The following PLEKHA6 variants were observed in gnomAD, a reference collection of about 807,000 sequenced individuals.
The protein encoded by PLEKHA6 is pleckstrin homology domain containing A6, also known as pleckstrin homology domain-containing family A member 6.
A neutral mutation model predicts 116.7 loss-of-function variants in PLEKHA6; 60 were observed. That is an observed-to-expected ratio of 0.51 (90% CI 0.42 to 0.64). The LOEUF is 0.64. Ranked by LOEUF, PLEKHA6 falls within the 30% of genes least tolerant of loss-of-function variation. The pLI is 0.00. For synonymous variants in PLEKHA6, 489 were observed against 556.1 expected (o/e 0.88, Z 1.70); for missense variants, 1,338 against 1,422.7 (o/e 0.94, Z 0.96).
At chr1:204,246,026 T>C (rs1663615862) in intron 13 of PLEKHA6, among the ~76,000 whole-genome samples, 1 of 152,162 alleles carries the variant, frequency 6.6e-6, no homozygotes, top group Non-Finnish European at 1.5e-5. Context: ...GGTTTTCGAG[T>C]GAATGCCCAT....
chr1:204,335,201 A>G (rs889213878), intron 1 of PLEKHA6, among the ~76,000 whole-genome samples: 1 of 152,030 alleles, frequency 6.6e-6, no homozygotes, highest in African/African-American at 2.4e-5. Context: ...ACCTGCAGAT[A>G]ACAAACCCCT....
chr1:204,347,306 T>A, intron 1 of PLEKHA6: 2 of 821,994 alleles, frequency 2.4e-6, no homozygotes, highest in Non-Finnish European at 4.1e-6. Flanking sequence ...AGGCTCCCAT[T>A]TGCTTTTGAA....
chr1:204,285,199 T>G (rs555595745), intron 1 of PLEKHA6, among the ~76,000 whole-genome samples: 2 of 152,318 alleles, frequency 1.3e-5, no homozygotes, highest in African/African-American at 4.8e-5. Context: ...TAAGCCACCT[T>G]CCAGTTCTAA....
chr1:204,276,541 C>A (rs1022208405), intron 1 of PLEKHA6, among the ~76,000 whole-genome samples: 2 of 151,948 alleles, frequency 1.3e-5, no homozygotes, highest in Admixed American at 6.5e-5. Flanking sequence ...CTCAGTGGTG[C>A]AGGGCACCCG....
intron 1 of PLEKHA6, chr1:204,346,905 T>G (rs1278790319): frequency 1.1e-5 from 14 of 1,267,514 alleles, no homozygotes; most frequent in Non-Finnish European, 1.6e-5. Context: ...TCTCTTTGGC[T>G]TCTTTCTTTT....
chr1:204,326,839 C>A, intron 1 of PLEKHA6: 1 of 255,510 alleles, frequency 3.9e-6, no homozygotes, highest in Non-Finnish European at 6.1e-6. Flanking sequence ...CTTGACCTCA[C>A]TCAGCATTCA....
chr1:204,288,301 T>C (rs764122605), intron 1 of PLEKHA6, among the ~76,000 whole-genome samples: 6 of 152,204 alleles, frequency 3.9e-5, no homozygotes, highest in Non-Finnish European at 8.8e-5. Flanking sequence ...TGGACAGCCC[T>C]GTCCCTTCTA....
intron 1 of PLEKHA6, chr1:204,317,372 A>G (rs1295744824): frequency 2.3e-5 from 4 of 174,122 alleles, no homozygotes; most frequent in Non-Finnish European, 4.5e-5. Context: ...CTCTTCGGAG[A>G]GTTTATCAGC....
intron 1 of PLEKHA6, 87 bp downstream of exon 1, chr1:204,359,607 C>T (rs947871124): frequency 6.0e-5 from 59 of 985,326 alleles, no homozygotes; most frequent in Non-Finnish European, 6.6e-5. Flanking sequence ...CCCAGGCTCA[C>T]GCGGCAGACA....
chr1:204,308,368 T>C (rs1365706722), intron 1 of PLEKHA6, among the ~76,000 whole-genome samples: 1 of 152,198 alleles, frequency 6.6e-6, no homozygotes, highest in Non-Finnish European at 1.5e-5. Flanking sequence ...TATGATCCTA[T>C]GATCATGCCA....
At chr1:204,298,658 G>T (rs1017977904) in intron 1 of PLEKHA6, among the ~76,000 whole-genome samples, 1 of 152,184 alleles carries the variant, frequency 6.6e-6, no homozygotes, top group African/African-American at 2.4e-5. Flanking sequence ...TCCAAGAAGG[G>T]CTAATGTGCA....
intron 1 of PLEKHA6, among the ~76,000 whole-genome samples, chr1:204,303,435 G>C (rs1182405048): frequency 6.6e-6 from 1 of 152,150 alleles, no homozygotes; most frequent in African/African-American, 2.4e-5. Context: ...TCTGCTTTTA[G>C]GAAAAGTGTC....
chr1:204,235,354 G>A (rs1661887161), intron 17 of PLEKHA6, among the ~76,000 whole-genome samples: 1 of 152,122 alleles, frequency 6.6e-6, no homozygotes, highest in Admixed American at 6.5e-5. Flanking sequence ...GACCATATGT[G>A]GAGAACCAAG....
Position 204,259,600 on chromosome 1 carries a change from C to T in PLEKHA6, c.665G>A (p.Arg222Lys). Residue 222 changes from arginine (R) to lysine (K), a missense_variant, in exon 8 of 23, where the codon AGG becomes AAG. Physicochemically the swap from Arg to Lys is conservative, Grantham distance 26. Coordinates refer to ENST00000272203, the MANE Select transcript of PLEKHA6 (RefSeq NM_014935.5). This position sits in a 1 kb window ranked among gnomAD's most constrained non-coding sequence, Gnocchi z 4.6. The stretch of plus-strand genomic sequence containing the variant: ...TTTCTTGACTTCTGGCCTCTCAGGC[C>T]TTCTCTCTGCCTTCTCACAGCCTCG... The part of the protein sequence containing the change: ...DGRGCEKAER[R>K]PERPEVKKEP... 6.2e-7 allele frequency: 1 copy of T among 1,614,140 alleles called. No individual in the cohort carries two copies. The highest frequency in any genetic ancestry group is 8.5e-7 in the Non-Finnish European group (1 of 1,180,040).
upstream of PLEKHA6, chr1:204,377,751 C>CT (rs1673896256): frequency 6.6e-6 from 1 of 152,208 alleles, no homozygotes; most frequent in Non-Finnish European, 1.5e-5. Context: ...CCCCCACTTG[C>CT]TGCCCCCTTC....
chr1:204,228,292 G>A lies in PLEKHA6; in HGVS notation c.2886-64C>T. 1 of 1,493,622 alleles carries A rather than the reference G, an allele frequency of 6.7e-7. No homozygotes were observed. The highest frequency in any genetic ancestry group is 1.3e-5 in the South Asian group (1 of 76,174). The allele number at this position is 1,493,622 out of a possible 1,614,324, so 92.5% of individuals were successfully genotyped here. A position where few individuals can be genotyped will look rare whatever the true frequency, so the allele number is the denominator to read the frequency against. ...AGGATGGTCCAAGTGGCTTGAGGGG[G>A]CCTGCGGACTGAGGTTGGCAGGGAG... On this transcript the variant is annotated intron_variant, in intron 20 of 22. Transcript: ENST00000272203. The surrounding 1 kb of genome is among the most constrained non-coding windows in gnomAD (Gnocchi z 4.0).
intron 1 of PLEKHA6, chr1:204,307,342 A>G (rs1200945100): frequency 6.6e-6 from 1 of 152,236 alleles, no homozygotes; most frequent in Non-Finnish European, 1.5e-5. Context: ...TTTACCTTCC[A>G]TGCCAGATGT....
chr1:204,224,839 C>T (rs1291206232), intron 21 of PLEKHA6, among the ~76,000 whole-genome samples: 16 of 152,204 alleles, frequency 1.1e-4, no homozygotes, highest in South Asian at 2.1e-4. Context: ...ACTGACCCAA[C>T]GCTTAGTCAT....
intron 1 of PLEKHA6, among the ~76,000 whole-genome samples, chr1:204,276,689 C>T (rs549422048): frequency 1.4e-4 from 21 of 152,010 alleles, no homozygotes; most frequent in African/African-American, 4.8e-4. Flanking sequence ...CAGAAGCATA[C>T]ACACACAGTC....
Sources: allele counts gnomAD v4.1 joint callset (sites outside exome capture counted in the v4.1 genomes callset), GRCh38; gene constraint gnomAD v4.1.1; non-coding constraint Gnocchi (gnomAD v3.1); transcripts MANE v1.5; gene names NCBI Gene and HGNC (gene_info 2026-07-23, HGNC 2026-07-21).